Variants in BMP2K observed in about 807,000 individuals in gnomAD.
The protein encoded by BMP2K is BMP-2-inducible protein kinase.
BMP2K carries 74 observed loss-of-function variants against 116.0 expected under a neutral mutation model. The ratio of observed to expected loss-of-function variants is 0.64; its 90% CI spans 0.53 to 0.77. The LOEUF is 0.77. Ranked by LOEUF, BMP2K falls within the 30% of genes least tolerant of loss-of-function variation. The probability of loss-of-function intolerance (pLI) is 0.00; values close to 1 mark genes in which losing one functional copy is unlikely to be tolerated. For synonymous variants in BMP2K, 486 were observed against 502.5 expected (o/e 0.97, Z 0.44); for missense variants, 1,365 against 1,403.6 (o/e 0.97, Z 0.44).
At chr4:78,787,600 TG>T (rs972926565) in intron 1 of BMP2K, among the ~76,000 whole-genome samples, 3 of 151,988 alleles carry the variant, frequency 2.0e-5, no homozygotes, top group Non-Finnish European at 4.4e-5. Flanking sequence ...TACCACTCAA[TG>T]GGATGAATGG....
At chr4:78,870,709 A>G (rs1732286724) in intron 10 of BMP2K, 74 bp from the exon 11 acceptor site, 4 of 1,519,290 alleles carry the variant, frequency 2.6e-6, no homozygotes, top group Non-Finnish European at 3.5e-6. Flanking sequence ...TATTATTGAA[A>G]TGAGCATGTT....
In BMP2K at chr4:78,835,880, G is replaced by T. The variant is rs1234412872; in HGVS notation, c.403+2193G>T. Among the ~76,000 whole-genome samples the T allele has an allele frequency of 2.0e-5, 3 of 152,200 alleles. No homozygotes were observed. The South Asian group carries it at 6.2e-4, about 32-fold the overall frequency. ...TCTGTGCATGAAGAGGCTCTTGAAA[G>T]AAAGTTTTCTAGTGCTACTTTTGAT... On this transcript the variant is annotated intron_variant, in intron 3 of 15. Coordinates refer to ENST00000502613, the MANE Select transcript of BMP2K (RefSeq NM_198892.2).
Position 78,786,361 on chromosome 4 carries a change from A to G in BMP2K, c.178+9640A>G, listed in dbSNP as rs1298682209. Among the ~76,000 whole-genome samples the G allele has an allele frequency of 2.6e-5, 4 of 151,400 alleles. No individual in the cohort carries two copies. The East Asian group carries it at 5.8e-4, about 22-fold the overall frequency. The stretch of plus-strand genomic sequence containing the variant: ...CCAGCACCTTGCTCTTGGACTTCCC[A>G]GTCTCCATAACAGTAAGAAATTCTG... On this transcript the variant is annotated intron_variant, in intron 1 of 15. Coordinates refer to ENST00000502613, the MANE Select transcript of BMP2K (RefSeq NM_198892.2).
chr4:78,874,358 T>A (rs1732533588), intron 13 of BMP2K, among the ~76,000 whole-genome samples: 1 of 152,178 alleles, frequency 6.6e-6, no homozygotes, highest in Admixed American at 6.5e-5. Context: ...ACAAATAAGA[T>A]CCACTAAAAT....
At chr4:78,901,183 A>G (rs923955158) in intron 15 of BMP2K, among the ~76,000 whole-genome samples, 1 of 152,008 alleles carries the variant, frequency 6.6e-6, no homozygotes, top group Non-Finnish European at 1.5e-5. Flanking sequence ...AGCTGGGACT[A>G]TAGGTGTGCA....
chr4:78,799,125 C>T (rs1578476158), intron 1 of BMP2K, among the ~76,000 whole-genome samples: 1 of 152,260 alleles, frequency 6.6e-6, no homozygotes, highest in East Asian at 1.9e-4. Context: ...AATCTGAGGC[C>T]AGGTTCCCTT....
At chr4:78,789,806 C>G (rs1297343957) in intron 1 of BMP2K, among the ~76,000 whole-genome samples, 2 of 152,186 alleles carry the variant, frequency 1.3e-5, no homozygotes, top group Non-Finnish European at 2.9e-5. Flanking sequence ...AATACTTCAG[C>G]TTCTTCAGTT....
intron 1 of BMP2K, among the ~76,000 whole-genome samples, chr4:78,796,092 G>A (rs899217707): frequency 3.9e-5 from 6 of 152,034 alleles, no homozygotes; most frequent in South Asian, 2.1e-4. Context: ...ACATGCACAC[G>A]TATGTTTATC....
chr4:78,799,720 T>TG (rs1728476466), intron 1 of BMP2K, among the ~76,000 whole-genome samples: 1 of 152,216 alleles, frequency 6.6e-6, no homozygotes, highest in South Asian at 2.1e-4. Flanking sequence ...TGCTTACTCA[T>TG]GTGCTATGGT....
intron 10 of BMP2K, among the ~76,000 whole-genome samples, chr4:78,867,203 A>G (rs1269987150): frequency 6.6e-6 from 1 of 152,036 alleles, no homozygotes; most frequent in African/African-American, 2.4e-5. Context: ...AAAAAAAAGC[A>G]AGAGGTGTTA....
At chr4:78,842,346 A>G (rs763670665) in intron 3 of BMP2K, 39 bp from the exon 4 acceptor site, 36 of 1,522,858 alleles carry the variant, frequency 2.4e-5, no homozygotes, top group Non-Finnish European at 2.9e-5. Flanking sequence ...GACTTTATTT[A>G]TTAAAAATAT....
Position 78,913,270 on chromosome 4 carries a change from G to C in BMP2K, c.*1237G>C, listed in dbSNP as rs1047858954. ...CCAGATCCTAAAATGCATATAAGGT[G>C]GACTAGCATCTTAATTCTGCTAGTT... On this transcript the variant is annotated 3_prime_UTR_variant, in exon 16 of 16. Transcript: ENST00000502613. The C allele has an allele frequency of 6.6e-6, 1 of 152,036 alleles. No individual in the cohort carries two copies. The highest frequency in any genetic ancestry group is 1.5e-5 in the Non-Finnish European group (1 of 67,960). 9.4% of individuals were successfully genotyped at this position (152,036 alleles called of 1,614,324 possible).
chr4:78,804,454 G>A (rs919185396), intron 1 of BMP2K, among the ~76,000 whole-genome samples: 1 of 152,094 alleles, frequency 6.6e-6, no homozygotes, highest in Non-Finnish European at 1.5e-5. Context: ...TGATACCTAG[G>A]AGTAGATTTT....
At position 78,865,871 on chromosome 4, in the gene BMP2K, T is replaced by C. The variant is rs549821535; in HGVS notation, c.1231+151T>C. 1.0e-4 allele frequency: 79 copies of C among 764,332 alleles called. No individual in the cohort carries two copies. The East Asian group carries it at 2.1e-3, about 20-fold the overall frequency. 47.3% of individuals were successfully genotyped at this position (764,332 alleles called of 1,614,324 possible). ...TTCTATTGATGTCTAATAAATTCAG[T>C]TGGTTTCTCAACAATTCAATTGTTG... On this transcript the variant is annotated intron_variant, in intron 10 of 15. Transcript: ENST00000502613.
chr4:78,842,321 A>G, intron 3 of BMP2K, 64 bp from the exon 4 acceptor site: 1 of 1,410,742 alleles, frequency 7.1e-7, no homozygotes, highest in Non-Finnish European at 9.6e-7. Context: ...GACATTTCTT[A>G]ATTTGCTTGT....
intron 15 of BMP2K, among the ~76,000 whole-genome samples, chr4:78,891,352 A>G (rs1440911408): frequency 6.6e-6 from 1 of 152,060 alleles, no homozygotes; most frequent in Non-Finnish European, 1.5e-5. Context: ...CTTGTTCTGA[A>G]TATTCAAGAT....
chr4:78,878,564 G>T (rs770636363), intron 13 of BMP2K, among the ~76,000 whole-genome samples, 170 bp from the exon 14 acceptor site: 2 of 152,116 alleles, frequency 1.3e-5, no homozygotes, highest in Non-Finnish European at 2.9e-5. Context: ...AGGTGATCTA[G>T]ATCCCATATG....
chr4:78,850,384 G>A (rs1351640544), intron 6 of BMP2K, among the ~76,000 whole-genome samples: 1 of 151,828 alleles, frequency 6.6e-6, no homozygotes, highest in Non-Finnish European at 1.5e-5. Flanking sequence ...ATAATGTACA[G>A]TAGAAGTTGG....
intron 1 of BMP2K, among the ~76,000 whole-genome samples, chr4:78,823,403 A>G (rs550823181): frequency 6.6e-6 from 1 of 151,518 alleles, no homozygotes; most frequent in African/African-American, 2.4e-5. Flanking sequence ...TCTTCCATCT[A>G]ATAAACAATT....
Sources: gnomAD v4.1 joint callset for allele counts (sites outside exome capture counted in the v4.1 genomes callset) on GRCh38, gnomAD v4.1.1 for gene constraint, MANE v1.5 for transcripts, NCBI Gene and HGNC (gene_info 2026-07-23, HGNC 2026-07-21) for gene names.